The following PLA2G12B variants were observed in gnomAD, a reference collection of about 807,000 sequenced individuals.
The protein encoded by PLA2G12B is phospholipase A2 group XIIB, also known as group XIIB secretory phospholipase A2-like protein.
PLA2G12B carries 19 observed loss-of-function variants against 22.3 expected under a neutral mutation model. The observed-to-expected ratio is 0.85, with a 90% CI of 0.60 to 1.25. The LOEUF (loss-of-function observed/expected upper bound fraction) is 1.25. PLA2G12B is among the 50% of genes most tolerant of loss of function. PLA2G12B has a pLI of 0.00. For synonymous variants in PLA2G12B, 81 were observed against 94.9 expected (o/e 0.85, Z 0.85); for missense variants, 191 against 246.6 (o/e 0.77, Z 1.51).
At chr10:72,954,382 C>G in intron 1 of PLA2G12B, 93 bp downstream of exon 1, 1 of 1,499,964 alleles carries the variant, frequency 6.7e-7, no homozygotes, top group South Asian at 1.2e-5. Context: ...AAGTGGATAA[C>G]AGGAAAAAGT....
At position 72,942,147 on chromosome 10, in the gene PLA2G12B, C is replaced by CA. The variant is rs1383748814; in HGVS notation, c.300+504_300+505insT. Among the ~76,000 whole-genome samples, 4 of 106,704 alleles carry CA rather than the reference C, an allele frequency of 3.7e-5. No individual in the cohort carries two copies. The East Asian group carries it at 1.1e-3, about 28-fold the overall frequency. 70.0% of individuals were successfully genotyped at this position (106,704 alleles called of 152,430 possible). A position where few individuals can be genotyped will look rare whatever the true frequency, so the allele number is the denominator to read the frequency against. The stretch of plus-strand genomic sequence containing the variant: ...AAAAATACAAAAATTAGCAGGGCGT[C>CA]GGGTGTGTGTGTGTGTGTGTGTGTG... On this transcript the variant is annotated intron_variant, in intron 2 of 3. Transcript: ENST00000373032.
At chr10:72,942,968 C>CT (rs56918622) in intron 1 of PLA2G12B, among the ~76,000 whole-genome samples, 3,762 of 142,600 alleles carry the variant, frequency 0.026, 60 homozygotes, top group Non-Finnish European at 0.038. Flanking sequence ...TTCATGAGCA[C>CT]TTTTTTTTTT....
chr10:72,950,849 C>T (rs1049170556), intron 1 of PLA2G12B, among the ~76,000 whole-genome samples: 5 of 152,192 alleles, frequency 3.3e-5, no homozygotes, highest in Non-Finnish European at 5.9e-5. Flanking sequence ...AGTGTGAAAG[C>T]GTGAACAGTA....
intron 1 of PLA2G12B, among the ~76,000 whole-genome samples, chr10:72,953,243 C>A (rs1846561397): frequency 6.6e-6 from 1 of 152,138 alleles, no homozygotes. Context: ...TAGATTTTAA[C>A]CATAGATTGT....
Position 72,936,097 on chromosome 10 carries a change from G to A in PLA2G12B, c.467-359C>T, listed in dbSNP as rs369311089. 1.2e-4 allele frequency among the ~76,000 whole-genome samples: 18 copies of A among 152,026 alleles called. No homozygotes were observed. In the East Asian group the frequency reaches 1.9e-3, roughly 16 times the overall value. On this transcript the variant is annotated intron_variant, in intron 3 of 3. Coordinates refer to ENST00000373032, the MANE Select transcript of PLA2G12B (RefSeq NM_032562.5). ...ATGGCCATACCACCCAGAACACACC[G>A]AATCTCGCCTATAGCTTTCACTGTT...
chr10:72,954,762 C>T lies in PLA2G12B; in HGVS notation c.-77G>A, dbSNP rs1487765662. 4 of 1,467,634 alleles carry T rather than the reference C, an allele frequency of 2.7e-6. No individual in the cohort carries two copies. The highest frequency in any genetic ancestry group is 3.8e-6 in the Non-Finnish European group (4 of 1,066,276). The allele number at this position is 1,467,634 out of a possible 1,614,324, so 90.9% of individuals were successfully genotyped here. On this transcript the variant is annotated 5_prime_UTR_variant, in exon 1 of 4. Coordinates refer to ENST00000373032, the MANE Select transcript of PLA2G12B (RefSeq NM_032562.5). ...CAGAATTCCAGGGACAAACCCCCTA[C>T]CCAGATGTCAGGCAGGACTGGGAAA...
At chr10:72,937,425 A>G (rs1340871563) in intron 3 of PLA2G12B, among the ~76,000 whole-genome samples, 1 of 152,232 alleles carries the variant, frequency 6.6e-6, no homozygotes, top group East Asian at 1.9e-4. Context: ...TTCCCCAAAG[A>G]AATCCAATTC....
intron 3 of PLA2G12B, among the ~76,000 whole-genome samples, chr10:72,936,395 A>G (rs1441794160): frequency 2.0e-5 from 3 of 152,214 alleles, no homozygotes; most frequent in African/African-American, 7.2e-5. Context: ...AGTAAGTAAG[A>G]TATCTAAGTT....
chr10:72,947,924 C>G (rs1246885920), intron 1 of PLA2G12B, among the ~76,000 whole-genome samples: 1 of 152,140 alleles, frequency 6.6e-6, no homozygotes, highest in Non-Finnish European at 1.5e-5. Context: ...ATGGTAGCCC[C>G]ACACTCAAGA....
intron 1 of PLA2G12B, among the ~76,000 whole-genome samples, chr10:72,951,362 C>T (rs377649541): frequency 1.3e-5 from 2 of 151,958 alleles, no homozygotes; most frequent in East Asian, 3.9e-4. Context: ...CACCACAGAC[C>T]TACTGCATCA....
At chr10:72,942,791 G>A (rs2132969053) in intron 1 of PLA2G12B, 51 bp from the exon 2 acceptor site, 2 of 1,444,666 alleles carry the variant, frequency 1.4e-6, no homozygotes, top group East Asian at 2.4e-5. Flanking sequence ...TAGAAATCAA[G>A]CATTTGGGAA....
chr10:72,943,101 G>A (rs939132521), intron 1 of PLA2G12B, among the ~76,000 whole-genome samples: 3 of 151,896 alleles, frequency 2.0e-5, no homozygotes, highest in African/African-American at 7.3e-5. Flanking sequence ...GAGTAGCTGG[G>A]ATTACAGGCA....
chr10:72,939,144 T>A (rs1846321403), intron 3 of PLA2G12B, among the ~76,000 whole-genome samples: 1 of 152,224 alleles, frequency 6.6e-6, no homozygotes, highest in Admixed American at 6.5e-5. Context: ...GTGATGAATA[T>A]GTTCTAAAAT....
At chr10:72,953,309 C>T (rs1319181208) in intron 1 of PLA2G12B, among the ~76,000 whole-genome samples, 1 of 152,166 alleles carries the variant, frequency 6.6e-6, no homozygotes, top group African/African-American at 2.4e-5. Context: ...ACCATTACCT[C>T]CTAGTCACTC....
chr10:72,942,230 G>A (rs1038675956), intron 2 of PLA2G12B, among the ~76,000 whole-genome samples: 13 of 150,334 alleles, frequency 8.6e-5, no homozygotes, highest in Admixed American at 5.3e-4. Context: ...AGCCAATTTG[G>A]CACTACTAAC....
Position 72,942,033 on chromosome 10 carries a change from C to T in PLA2G12B, c.300+619G>A, listed in dbSNP as rs184574243. Among the ~76,000 whole-genome samples, 42 of 152,192 alleles carry T rather than the reference C, an allele frequency of 2.8e-4. 1 individual carries two copies. In the East Asian group the frequency reaches 7.0e-3, roughly 25 times the overall value. ...GTACGGTGGCTCACGACTGTAATCC[C>T]AGCACTTTGGGAGGCCAAGGTGGGT... On this transcript the variant is annotated intron_variant, in intron 2 of 3. Transcript: ENST00000373032.
At position 72,950,829 on chromosome 10, in the gene PLA2G12B, CT is replaced by C. The variant is rs1846518553; in HGVS notation, c.211+3645del. On this transcript the variant is annotated intron_variant, in intron 1 of 3. Coordinates refer to ENST00000373032, the MANE Select transcript of PLA2G12B (RefSeq NM_032562.5). ...CCAGGAAGAAATTCATTTTCAGGAT[CT>C]TTTATTAAAGTGTGAAAGCGTGAAC... 2.6e-5 allele frequency among the ~76,000 whole-genome samples: 4 copies of C among 152,314 alleles called. 1 individual carries two copies. In the South Asian group the frequency reaches 8.3e-4, roughly 32 times the overall value.
At chr10:72,952,779 A>G (rs1172562580) in intron 1 of PLA2G12B, among the ~76,000 whole-genome samples, 7 of 151,990 alleles carry the variant, frequency 4.6e-5, no homozygotes, top group African/African-American at 1.5e-4. Flanking sequence ...GAGAAGAGTT[A>G]TTTGCCTTTC....
chr10:72,937,079 C>T (rs1232421440), intron 3 of PLA2G12B, among the ~76,000 whole-genome samples: 5 of 151,980 alleles, frequency 3.3e-5, no homozygotes, highest in Admixed American at 6.6e-5. Flanking sequence ...GGCGTGGTGG[C>T]GGGCGCCTGT....
Sources: allele counts gnomAD v4.1 joint callset (sites outside exome capture counted in the v4.1 genomes callset), GRCh38; gene constraint gnomAD v4.1.1; transcripts MANE v1.5; gene names NCBI Gene and HGNC (gene_info 2026-07-23, HGNC 2026-07-21).